The following RBM33 variants were observed in gnomAD, a reference collection of about 807,000 sequenced individuals.
The protein encoded by RBM33 is RNA binding motif protein 33.
In RBM33, 28 loss-of-function variants were observed where a neutral mutation model predicts 132.6. The ratio of observed to expected loss-of-function variants is 0.21; its 90% CI spans 0.16 to 0.29. The LOEUF is 0.29. Among genes scored for constraint, RBM33 ranks in the 10% least tolerant of loss-of-function variants. RBM33 has a pLI of 1.00. For synonymous variants in RBM33, 634 were observed against 593.0 expected (o/e 1.07, Z -1.01); for missense variants, 1,291 against 1,518.5 (o/e 0.85, Z 2.49).
At chr7:155,752,082 T>A (rs1801703290) in intron 14 of RBM33, among the ~76,000 whole-genome samples, 1 of 152,224 alleles carries the variant, frequency 6.6e-6, no homozygotes, top group Non-Finnish European at 1.5e-5. Context: ...GAGAGCCCCT[T>A]TAAACTGGTT....
rs1426413132 is a variant in RBM33, at chr7:155,738,213, A to G, written c.1547A>G (p.Gln516Arg). 2.5e-6 allele frequency: 4 copies of G among 1,613,852 alleles called. No individual in the cohort carries two copies. The highest frequency in any genetic ancestry group is 3.4e-6 in the Non-Finnish European group (4 of 1,179,886). ...CAGCCAGGACCAGCATTTAATCAGC[A>G]AGGACAGCAGCCAGTGTTCCCAAGA... ...FTQPGPAFNQ[Q>R]GQQPVFPRER... Residue 516 changes from glutamine to arginine, a missense_variant, in exon 11 of 18, where the codon CAA (glutamine) becomes CGA (arginine). Around this residue, in one of 7 missense-constraint regions of RBM33, gnomAD observed 841 missense variants for 912.0 expected, o/e 0.92. Transcript: ENST00000401878.
chr7:155,721,615 T>A lies in RBM33; in HGVS notation c.1260+3172T>A, dbSNP rs1800629963. ...GTATGATACATTTGCTATTTATGCTTAGTTTAGAACTAGTATGTCCAGAAA... is the reference window on the plus strand; with the variant it reads ...GTATGATACATTTGCTATTTATGCTAAGTTTAGAACTAGTATGTCCAGAAA... On this transcript the variant is annotated intron_variant, in intron 9 of 17. Transcript: ENST00000401878. Among the ~76,000 whole-genome samples the A allele has an allele frequency of 2.0e-5, 3 of 152,090 alleles. No homozygotes were observed. The South Asian group carries it at 6.2e-4, about 32-fold the overall frequency.
intron 1 of RBM33, among the ~76,000 whole-genome samples, chr7:155,650,423 C>T (rs1224770871): frequency 6.6e-6 from 1 of 152,168 alleles, no homozygotes; most frequent in African/African-American, 2.4e-5. Flanking sequence ...TGATAGATTT[C>T]CAGTGCTGAA....
At position 155,653,093 on chromosome 7, in the gene RBM33, A is replaced by G. The variant is rs138488234; in HGVS notation, c.43+8174A>G. Among the ~76,000 whole-genome samples the G allele has an allele frequency of 8.1e-4, 124 of 152,184 alleles. No individual in the cohort carries two copies. The East Asian group carries it at 0.018, about 22-fold the overall frequency. ...TATCTATACTATTTTTTTTTAAACCATATATCCTTCAATAGACACTTGAGT... is the reference window on the plus strand; with the variant it reads ...TATCTATACTATTTTTTTTTAAACCGTATATCCTTCAATAGACACTTGAGT... On this transcript the variant is annotated intron_variant, in intron 1 of 17. Coordinates refer to ENST00000401878, the MANE Select transcript of RBM33 (RefSeq NM_053043.3).
intron 2 of RBM33, among the ~76,000 whole-genome samples, chr7:155,671,606 T>G (rs1323312701): frequency 6.6e-6 from 1 of 152,202 alleles, no homozygotes; most frequent in Non-Finnish European, 1.5e-5. Context: ...ATAAACATGA[T>G]TTTTTGGTAA....
At chr7:155,676,038 G>A (rs967999208) in intron 3 of RBM33, among the ~76,000 whole-genome samples, 4 of 152,066 alleles carry the variant, frequency 2.6e-5, no homozygotes, top group Admixed American at 1.3e-4. Context: ...GTCTATGAAT[G>A]GAGTTCACAT....
intron 14 of RBM33, among the ~76,000 whole-genome samples, chr7:155,759,620 C>T (rs1283973406): frequency 1.3e-5 from 2 of 151,944 alleles, no homozygotes; most frequent in East Asian, 1.9e-4. Context: ...GGGGTTTCAC[C>T]GTGTTAGCCA....
chr7:155,755,591 G>A (rs574602610), intron 14 of RBM33, among the ~76,000 whole-genome samples: 1 of 152,320 alleles, frequency 6.6e-6, no homozygotes, highest in South Asian at 2.1e-4. Context: ...GCTGCTTAGC[G>A]TCTGATAGGT....
In RBM33 at chr7:155,656,375, A is replaced by G. The variant is rs868272822; in HGVS notation, c.44-8800A>G. On this transcript the variant is annotated intron_variant, in intron 1 of 17. Coordinates refer to ENST00000401878, the MANE Select transcript of RBM33 (RefSeq NM_053043.3). Reference sequence around the variant, plus strand: ...AGACACGCTTGGACTTTAACATAACAGGTATGAAATATTAATTGCTGTGGC... The same window carrying G: ...AGACACGCTTGGACTTTAACATAACGGGTATGAAATATTAATTGCTGTGGC... Among the ~76,000 whole-genome samples, 9 of 152,158 alleles carry G rather than the reference A, an allele frequency of 5.9e-5. 1 individual carries two copies. In the Middle Eastern group the frequency reaches 0.02, roughly 345 times the overall value.
chr7:155,644,744 C>G lies in RBM33; in HGVS notation c.-133C>G. The G allele has an allele frequency of 2.9e-6, 2 of 684,166 alleles. No homozygotes were observed. Among genetic ancestry groups the G allele is most frequent in the South Asian group, 4.6e-5 (2 of 43,380 alleles). 42.4% of individuals were successfully genotyped at this position (684,166 alleles called of 1,614,324 possible). ...GGGCCAGCTGTGGACCGCGAAGCGC[C>G]CGGCTTCGCCTCTGCCTCCTGCAGC... On this transcript the variant is annotated 5_prime_UTR_variant, in exon 1 of 18. Coordinates refer to ENST00000401878, the MANE Select transcript of RBM33 (RefSeq NM_053043.3).
chr7:155,763,741 T>C (rs1802113398), intron 14 of RBM33, 71 bp from the exon 15 acceptor site: 1 of 1,422,570 alleles, frequency 7.0e-7, no homozygotes, highest in Admixed American at 2.0e-5. Context: ...TGAGGTGGGC[T>C]TCCTAATGCT....
At chr7:155,757,806 G>C (rs1394999997) in intron 14 of RBM33, among the ~76,000 whole-genome samples, 1 of 150,110 alleles carries the variant, frequency 6.7e-6, no homozygotes, top group South Asian at 2.1e-4. Flanking sequence ...GGAGGCCTCA[G>C]GAAGCTTCCA....
At position 155,745,182 on chromosome 7, in the gene RBM33, C is replaced by G. The variant is rs1312672620; in HGVS notation, c.2559C>G (p.Thr853=). Residue 853 remains threonine, a synonymous_variant, in exon 14 of 18, where the codon ACC becomes ACG. Coordinates refer to ENST00000401878, the MANE Select transcript of RBM33 (RefSeq NM_053043.3). This position sits in a 1 kb window ranked among gnomAD's most constrained non-coding sequence, Gnocchi z 4.1. ...AGCAGGCACTGTCACCATCACCCACCAACGGTAACCCACTGTTGCCCTTTC... is the reference window on the plus strand; with the variant it reads ...AGCAGGCACTGTCACCATCACCCACGAACGGTAACCCACTGTTGCCCTTTC... ...QEEQALSPSP[T]NGNPLLPFPG... 1.2e-6 allele frequency: 2 copies of G among 1,610,696 alleles called. No homozygotes were observed. Among genetic ancestry groups the G allele is most frequent in the Non-Finnish European group, 1.7e-6 (2 of 1,178,476 alleles).
intron 5 of RBM33, among the ~76,000 whole-genome samples, chr7:155,698,538 T>A (rs1454017773): frequency 6.6e-6 from 1 of 152,346 alleles, no homozygotes; most frequent in South Asian, 2.1e-4. Flanking sequence ...AAGCAAGTGC[T>A]ATCAGCCGTG....
At chr7:155,749,158 A>G (rs771167612) in intron 14 of RBM33, among the ~76,000 whole-genome samples, 8 of 152,274 alleles carry the variant, frequency 5.3e-5, no homozygotes, top group South Asian at 2.1e-4. Context: ...AAGTGGGGTT[A>G]GTAAGTCTGC....
intron 8 of RBM33, among the ~76,000 whole-genome samples, chr7:155,716,056 T>C (rs949045990): frequency 6.6e-6 from 1 of 152,228 alleles, no homozygotes; most frequent in African/African-American, 2.4e-5. Flanking sequence ...ATTAAATACA[T>C]GGGACAAGTT....
At position 155,644,829 on chromosome 7, in the gene RBM33, A is replaced by G; in HGVS notation, c.-48A>G. 1 of 1,440,366 alleles carries G rather than the reference A, an allele frequency of 6.9e-7. No homozygotes were observed. Among genetic ancestry groups the G allele is most frequent in the Non-Finnish European group, 9.1e-7 (1 of 1,095,062 alleles). The allele number at this position is 1,440,366 out of a possible 1,614,324, so 89.2% of individuals were successfully genotyped here. A position where few individuals can be genotyped will look rare whatever the true frequency, so the allele number is the denominator to read the frequency against. On this transcript the variant is annotated 5_prime_UTR_variant, in exon 1 of 18. Transcript: ENST00000401878. ...GGGCCCGGACCAGGCACGTCGGCCC[A>G]CCAGCTGGCTTGGTGGGGGAGGCTG...
chr7:155,702,477 C>T (rs370426096), intron 6 of RBM33, among the ~76,000 whole-genome samples: 2 of 152,206 alleles, frequency 1.3e-5, no homozygotes, highest in African/African-American at 4.8e-5. Context: ...TTAGAAGCAT[C>T]TTTAATTTCT....
intron 3 of RBM33, among the ~76,000 whole-genome samples, chr7:155,674,628 A>C (rs1799126348): frequency 6.6e-6 from 1 of 152,220 alleles, no homozygotes; most frequent in African/African-American, 2.4e-5. Flanking sequence ...TGTTATCAAT[A>C]AAGATGGAGA....
Sources: gnomAD v4.1 joint callset for allele counts (sites outside exome capture counted in the v4.1 genomes callset) on GRCh38, gnomAD v4.1.1 for gene constraint, gnomAD v4.1.1 regional missense constraint, Gnocchi (gnomAD v3.1) non-coding constraint, MANE v1.5 for transcripts, NCBI Gene and HGNC (gene_info 2026-07-23, HGNC 2026-07-21) for gene names.